AFF3: variants seen among roughly 807,000 people sequenced by gnomAD.
AFF3 encodes ALF transcription elongation factor 3, also known as AF4/FMR2 family member 3.
AFF3 carries 32 observed loss-of-function variants against 129.7 expected under a neutral mutation model. The ratio of observed to expected loss-of-function variants is 0.25; its 90% CI spans 0.19 to 0.33. AFF3 has a LOEUF of 0.33. AFF3 is among the 10% of genes least tolerant of loss of function. The pLI, the probability that AFF3 is intolerant of heterozygous loss-of-function variation, is 1.00. For synonymous variants in AFF3, 644 were observed against 635.4 expected (o/e 1.01, Z -0.20); for missense variants, 1,373 against 1,592.0 (o/e 0.86, Z 2.34).
At chr2:100,119,923 G>T (rs1691884261) in intron 2 of AFF3, among the ~76,000 whole-genome samples, 1 of 152,176 alleles carries the variant, frequency 6.6e-6, no homozygotes, top group Non-Finnish European at 1.5e-5. Context: ...GAATCGCTCT[G>T]TTAGAATGGA....
intron 8 of AFF3, among the ~76,000 whole-genome samples, chr2:99,777,016 A>T (rs1369519748): frequency 1.3e-5 from 2 of 152,204 alleles, no homozygotes; most frequent in Admixed American, 1.3e-4. Flanking sequence ...GGAGATAGGA[A>T]TCTACAAACA....
chr2:99,647,387 G>T (rs1263718902), intron 13 of AFF3, among the ~76,000 whole-genome samples: 1 of 152,188 alleles, frequency 6.6e-6, no homozygotes, highest in Non-Finnish European at 1.5e-5. Flanking sequence ...GCAAACTAAT[G>T]CAGGAGCAGA....
rs149509321 is a variant in AFF3 at position 99,836,231 on chromosome 2, C to A, written c.921+1246G>T. 3.3e-5 allele frequency among the ~76,000 whole-genome samples: 5 copies of A among 152,184 alleles called. No homozygotes were observed. The East Asian group carries it at 9.7e-4, about 29-fold the overall frequency. ...CTTTTGTGGACATAAACACTATAAC[C>A]AGTTAAAGGAAGATGGCTTAAAAAT... is the stretch of plus-strand genomic sequence containing the variant. On this transcript the variant is annotated intron_variant, in intron 8 of 24. Transcript: ENST00000672756.
chr2:99,858,431 GT>G (rs1358228204), intron 7 of AFF3, among the ~76,000 whole-genome samples: 1 of 151,440 alleles, frequency 6.6e-6, no homozygotes, highest in Non-Finnish European at 1.5e-5. Flanking sequence ...TGCACCTGTA[GT>G]TCTAGCTACT....
At chr2:99,774,490 G>A (rs1045828884) in intron 8 of AFF3, among the ~76,000 whole-genome samples, 8 of 152,088 alleles carry the variant, frequency 5.3e-5, no homozygotes, top group African/African-American at 1.9e-4. Context: ...AAGCAACGGA[G>A]AAAGGATTCC....
Position 100,006,711 on chromosome 2 carries a change from C to T in AFF3, c.794G>A (p.Arg265Lys). Residue 265 changes from arginine (R) to lysine (K), a missense_variant, in exon 7 of 25, where the codon AGG becomes AAG. Coordinates refer to ENST00000672756, the MANE Select transcript of AFF3 (RefSeq NM_001386135.1). ...SETSVHCTSY[R>K]GVPASKPEPA... ...CTCCGGCTTGCTGGCAGGGACTCCC[C>T]TGTATGATGTGCAGTGCACGCTGGT... 6.2e-7 allele frequency: 1 copy of T among 1,614,248 alleles called. No individual in the cohort carries two copies.
At chr2:99,634,964 T>TACACATACACAC (rs1683485789) in intron 13 of AFF3, among the ~76,000 whole-genome samples, 1 of 137,710 alleles carries the variant, frequency 7.3e-6, no homozygotes, top group Non-Finnish European at 1.6e-5. Context: ...GATTCTGTCA[T>TACACATACACAC]ACACACACAC....
intron 13 of AFF3, among the ~76,000 whole-genome samples, chr2:99,627,734 G>T (rs539766315): frequency 2.6e-5 from 4 of 152,052 alleles, no homozygotes; most frequent in African/African-American, 4.8e-5. Context: ...AATCTATCTC[G>T]AGTTGATTTT....
chr2:99,560,335 C>T (rs775080120), intron 21 of AFF3, 30 bp downstream of exon 21: 8 of 1,610,304 alleles, frequency 5.0e-6, no homozygotes, highest in South Asian at 4.4e-5. Context: ...GAGGCTGGGG[C>T]TGCTATTCTA....
At chr2:99,966,984 G>T (rs1311262057) in intron 7 of AFF3, among the ~76,000 whole-genome samples, 1 of 152,052 alleles carries the variant, frequency 6.6e-6, no homozygotes, top group African/African-American at 2.4e-5. Flanking sequence ...AATTCATGCT[G>T]GGCCAGTTCT....
intron 4 of AFF3, among the ~76,000 whole-genome samples, chr2:100,066,379 A>G (rs939699631): frequency 6.6e-6 from 1 of 152,216 alleles, no homozygotes; most frequent in Non-Finnish European, 1.5e-5. Flanking sequence ...TGAACGAGCC[A>G]GTGACGAATG....
At chr2:99,810,059 A>C (rs1686668907) in intron 8 of AFF3, among the ~76,000 whole-genome samples, 1 of 152,214 alleles carries the variant, frequency 6.6e-6, no homozygotes, top group South Asian at 2.1e-4. Flanking sequence ...TGCTCAATAA[A>C]TAGGTACAAA....
At chr2:99,599,218 C>T (rs1679578988) in intron 14 of AFF3, among the ~76,000 whole-genome samples, 1 of 152,226 alleles carries the variant, frequency 6.6e-6, no homozygotes, top group Non-Finnish European at 1.5e-5. Flanking sequence ...ATTTAGAAAG[C>T]ATTTGCTTAA....
chr2:99,950,581 G>C (rs2106383056), intron 7 of AFF3, among the ~76,000 whole-genome samples: 1 of 152,140 alleles, frequency 6.6e-6, no homozygotes, highest in East Asian at 1.9e-4. Flanking sequence ...AATTTAGAGG[G>C]ATTTTTCTTC....
At chr2:99,897,876 T>C (rs888640592) in intron 7 of AFF3, among the ~76,000 whole-genome samples, 1 of 152,254 alleles carries the variant, frequency 6.6e-6, no homozygotes, top group African/African-American at 2.4e-5. Flanking sequence ...ATGAATTTTA[T>C]GCACTTAAGA....
intron 13 of AFF3, among the ~76,000 whole-genome samples, chr2:99,629,025 T>C (rs1051802921): frequency 1.3e-5 from 2 of 152,062 alleles, no homozygotes; most frequent in African/African-American, 4.8e-5. Context: ...CTCAGCCTAA[T>C]TTTTGTATTT....
chr2:100,032,449 C>T (rs761680459), intron 4 of AFF3, among the ~76,000 whole-genome samples: 1 of 151,904 alleles, frequency 6.6e-6, no homozygotes, highest in African/African-American at 2.4e-5. Flanking sequence ...AAAGTATGCC[C>T]AAGAGAGATT....
intron 4 of AFF3, among the ~76,000 whole-genome samples, chr2:100,082,020 T>C (rs1178057540): frequency 6.6e-6 from 1 of 152,172 alleles, no homozygotes; most frequent in Non-Finnish European, 1.5e-5. Context: ...AAAGAAAAAT[T>C]TGTATTGATA....
chr2:99,915,471 A>T (rs982100035), intron 7 of AFF3, among the ~76,000 whole-genome samples: 2 of 152,168 alleles, frequency 1.3e-5, no homozygotes, highest in Non-Finnish European at 2.9e-5. Context: ...GCGGTGGAGA[A>T]AAAGGAACTG....
Sources: gnomAD v4.1 joint callset for allele counts (sites outside exome capture counted in the v4.1 genomes callset) on GRCh38, gnomAD v4.1.1 for gene constraint, MANE v1.5 for transcripts, NCBI Gene and HGNC (gene_info 2026-07-23, HGNC 2026-07-21) for gene names.